ARFGEF2: variants seen among roughly 807,000 people sequenced by gnomAD.
ARFGEF2 encodes brefeldin A-inhibited guanine nucleotide-exchange protein 2.
In ARFGEF2, 74 loss-of-function variants were observed where a neutral mutation model predicts 219.9. The observed-to-expected ratio is 0.34, with a 90% CI of 0.28 to 0.41. ARFGEF2 has a LOEUF of 0.41. Among genes scored for constraint, ARFGEF2 ranks in the 10% least tolerant of loss-of-function variants. ARFGEF2 has a pLI of 1.00. For synonymous variants in ARFGEF2, 733 were observed against 799.2 expected (o/e 0.92, Z 1.40); for missense variants, 1,743 against 2,218.3 (o/e 0.79, Z 4.30).
At chr20:49,001,428 G>C (rs1195627302) in intron 25 of ARFGEF2, among the ~76,000 whole-genome samples, 2 of 152,136 alleles carry the variant, frequency 1.3e-5, no homozygotes, top group Non-Finnish European at 2.9e-5. Context: ...TTGCAGATTT[G>C]AAGAAATAGA....
intron 1 of ARFGEF2, among the ~76,000 whole-genome samples, chr20:48,939,193 T>G (rs2090979208): frequency 6.6e-6 from 1 of 152,160 alleles, no homozygotes; most frequent in Non-Finnish European, 1.5e-5. Flanking sequence ...CAGGCTGGTC[T>G]CAAACTCCTG....
intron 14 of ARFGEF2, among the ~76,000 whole-genome samples, chr20:48,979,088 C>T (rs2091279722): frequency 1.3e-5 from 2 of 152,110 alleles, no homozygotes; most frequent in Non-Finnish European, 2.9e-5. Context: ...TTTGCCCATT[C>T]AGTATGATAA....
At chr20:48,927,219 T>C (rs1242974604) in intron 1 of ARFGEF2, among the ~76,000 whole-genome samples, 3 of 152,146 alleles carry the variant, frequency 2.0e-5, no homozygotes, top group African/African-American at 7.2e-5. Context: ...TGTATATGAA[T>C]GTGTGTAAGA....
intron 36 of ARFGEF2, among the ~76,000 whole-genome samples, chr20:49,027,068 T>C (rs2091607829): frequency 6.6e-6 from 1 of 151,960 alleles, no homozygotes; most frequent in African/African-American, 2.4e-5. Flanking sequence ...TAAGAATGTG[T>C]TCTTTTTTTT....
intron 18 of ARFGEF2, 57 bp from the exon 19 acceptor site, chr20:48,989,228 G>A: frequency 1.3e-6 from 2 of 1,591,642 alleles, no homozygotes; most frequent in South Asian, 1.1e-5. Context: ...ACAGTGTATG[G>A]CATGTAGCCA....
At chr20:49,032,242 G>GT (rs1194810255) in intron 38 of ARFGEF2, 76 bp downstream of exon 38, 1 of 1,028,670 alleles carries the variant, frequency 9.7e-7, no homozygotes, top group Non-Finnish European at 1.5e-6. Context: ...AGAGTTTGCA[G>GT]TAACTATTTT....
chr20:48,960,820 G>A (rs191883969), intron 6 of ARFGEF2, among the ~76,000 whole-genome samples: 2 of 149,494 alleles, frequency 1.3e-5, no homozygotes, highest in East Asian at 2.1e-4. Context: ...GGTGGCTTAT[G>A]CCTGTAATCC....
chr20:48,992,997 C>G (rs1017915307), intron 21 of ARFGEF2, among the ~76,000 whole-genome samples: 8 of 152,180 alleles, frequency 5.3e-5, no homozygotes, highest in African/African-American at 1.4e-4. Flanking sequence ...CTGTAGTGAG[C>G]CTTGATTGCA....
chr20:49,006,088 G>T (rs2091457798), intron 26 of ARFGEF2, among the ~76,000 whole-genome samples: 1 of 152,098 alleles, frequency 6.6e-6, no homozygotes, highest in Admixed American at 6.5e-5. Context: ...CTGAGCAGGA[G>T]TTCAAGACCA....
At chr20:49,003,968 C>T (rs1452637262) in intron 25 of ARFGEF2, among the ~76,000 whole-genome samples, 2 of 152,138 alleles carry the variant, frequency 1.3e-5, no homozygotes, top group Non-Finnish European at 2.9e-5. Context: ...TTTCCATAGA[C>T]TGTAAAGGCT....
chr20:48,991,329 C>A, intron 21 of ARFGEF2, 131 bp downstream of exon 21: 2 of 1,331,072 alleles, frequency 1.5e-6, no homozygotes, highest in Non-Finnish European at 2.1e-6. Context: ...ATCTGGAAGT[C>A]ACCCTCTCTG....
intron 16 of ARFGEF2, among the ~76,000 whole-genome samples, chr20:48,986,032 T>C (rs745305762): frequency 5.3e-5 from 8 of 152,186 alleles, no homozygotes; most frequent in African/African-American, 1.4e-4. Context: ...CAGAAATAGC[T>C]ACATAACTAA....
chr20:49,026,584 CTTT>C (rs540361594), intron 36 of ARFGEF2, among the ~76,000 whole-genome samples: 4 of 131,550 alleles, frequency 3.0e-5, no homozygotes, highest in Non-Finnish European at 3.3e-5. Flanking sequence ...TTTACCATTA[CTTT>C]TTTTTTTTTT....
At chr20:48,955,235 G>C (rs1048663384) in intron 6 of ARFGEF2, among the ~76,000 whole-genome samples, 1 of 152,152 alleles carries the variant, frequency 6.6e-6, no homozygotes, top group Non-Finnish European at 1.5e-5. Context: ...TTGAACGGCT[G>C]TGCTTGTTTC....
At position 49,004,531 on chromosome 20, in the gene ARFGEF2, G is replaced by A. The variant is rs551617283; in HGVS notation, c.3433-539G>A. ...AAAAGAAAAAAATAGGTTGGGCGCG[G>A]TGGCTCACCCTGTAATTCCAGCACT... On this transcript the variant is annotated intron_variant, in intron 25 of 38. Coordinates refer to ENST00000371917, the MANE Select transcript of ARFGEF2 (RefSeq NM_006420.3). Among the ~76,000 whole-genome samples, 4 of 152,124 alleles carry A rather than the reference G, an allele frequency of 2.6e-5. No individual in the cohort carries two copies. In the South Asian group the frequency reaches 8.3e-4, roughly 32 times the overall value.
rs2091087082 is a variant in ARFGEF2, at chr20:48,953,690, A to G, written c.738A>G (p.Glu246=). Reference sequence around the variant, plus strand: ...CACAAAGCAAACCAACAACTCCCGAAAAAACAGATTTAACCAACGGTGAAC... The same window carrying G: ...CACAAAGCAAACCAACAACTCCCGAGAAAACAGATTTAACCAACGGTGAAC... ...SQAQSKPTTP[E]KTDLTNGEHA... The change falls in exon 6 of 39, where the codon GAA becomes GAG. Residue 246 remains glutamate (E), a synonymous_variant. Transcript: ENST00000371917. 1.9e-6 allele frequency: 3 copies of G among 1,614,158 alleles called. No individual in the cohort carries two copies. Among genetic ancestry groups the G allele is most frequent in the Non-Finnish European group, 2.5e-6 (3 of 1,180,038 alleles).
intron 3 of ARFGEF2, among the ~76,000 whole-genome samples, chr20:48,950,801 AAAAAAAAAAAATATAT>A (rs1180267122): frequency 2.3e-4 from 8 of 35,434 alleles, no homozygotes; most frequent in Non-Finnish European, 4.6e-4. Context: ...GTCTAAAAAA[AAAAAAAAAAAATATAT>A]ATATATATAT....
chr20:48,974,092 C>G (rs1834343046), intron 12 of ARFGEF2, among the ~76,000 whole-genome samples: 1 of 141,972 alleles, frequency 7.0e-6, no homozygotes, highest in African/African-American at 2.6e-5. Context: ...CTGGTTGAGA[C>G]CTTGTTATTT....
intron 14 of ARFGEF2, among the ~76,000 whole-genome samples, chr20:48,984,047 A>G (rs2123449743): frequency 6.6e-6 from 1 of 152,236 alleles, no homozygotes; most frequent in African/African-American, 2.4e-5. Flanking sequence ...TCTCTTAAAA[A>G]AAAAAAAAAG....
Sources: gnomAD v4.1 joint callset for allele counts (sites outside exome capture counted in the v4.1 genomes callset) on GRCh38, gnomAD v4.1.1 for gene constraint, MANE v1.5 for transcripts, NCBI Gene and HGNC (gene_info 2026-07-23, HGNC 2026-07-21) for gene names.